PPP1R13B: variants seen among roughly 807,000 people sequenced by gnomAD.
PPP1R13B encodes the protein apoptosis-stimulating of p53 protein 1.
PPP1R13B carries 44 observed loss-of-function variants against 119.8 expected under a neutral mutation model. That is an observed-to-expected ratio of 0.37 (90% confidence interval 0.29 to 0.47). The LOEUF (loss-of-function observed/expected upper bound fraction) is 0.47, where lower values mean the gene tolerates loss of function less well. PPP1R13B is among the 20% of genes least tolerant of loss of function. The probability of loss-of-function intolerance (pLI) is 0.99; values close to 1 mark genes in which losing one functional copy is unlikely to be tolerated. For missense variants in PPP1R13B, 1,227 were observed against 1,413.5 expected (o/e 0.87, Z 2.12); for synonymous variants, 542 against 561.5 (o/e 0.97, Z 0.49).
chr14:103,738,503 A>T lies in PPP1R13B; in HGVS notation c.2864+176T>A. The T allele has an allele frequency of 3.1e-6, 3 of 961,360 alleles. No individual in the cohort carries two copies. Among genetic ancestry groups the T allele is most frequent in the Non-Finnish European group, 4.6e-6 (3 of 658,146 alleles). 59.6% of individuals were successfully genotyped at this position (961,360 alleles called of 1,614,324 possible). A position where few individuals can be genotyped will look rare whatever the true frequency, so the allele number is the denominator to read the frequency against. On this transcript the variant is annotated intron_variant, in intron 14 of 16. Coordinates refer to ENST00000202556, the MANE Select transcript of PPP1R13B (RefSeq NM_015316.3). The surrounding 1 kb of genome is among the most constrained non-coding windows in gnomAD (Gnocchi z 5.6). ...TTTTTAACAAAATCATCAAGAGAAA[A>T]GGCTGGAAAAAAAGGCAAGGAAACC...
intron 1 of PPP1R13B, among the ~76,000 whole-genome samples, chr14:103,838,322 C>T (rs143341736): frequency 6.6e-6 from 1 of 152,014 alleles, no homozygotes; most frequent in East Asian, 1.9e-4. Context: ...TATTTAGCAC[C>T]AACTATGTGT....
chr14:103,746,276 A>G, intron 9 of PPP1R13B, 97 bp downstream of exon 9: 1 of 773,374 alleles, frequency 1.3e-6, no homozygotes. Flanking sequence ...TGTGTGGGGC[A>G]GAGCCTCAGG....
chr14:103,826,710 C>CG lies in PPP1R13B; in HGVS notation c.9+20588_9+20589insC, dbSNP rs1555447217. The stretch of plus-strand genomic sequence containing the variant: ...CAACACAGCTAGACCCTGTCTCTAC[C>CG]AAAAAAAAAAAAAAAAAGCCAGGTG... On this transcript the variant is annotated intron_variant, in intron 1 of 16. Coordinates refer to ENST00000202556, the MANE Select transcript of PPP1R13B (RefSeq NM_015316.3). Among the ~76,000 whole-genome samples, 739 of 88,308 alleles carry CG rather than the reference C, an allele frequency of 8.4e-3. 1 individual carries two copies. The highest frequency in any genetic ancestry group is 0.013 in the Non-Finnish European group (545 of 41,902). The allele number at this position is 88,308 out of a possible 152,430, so 57.9% of individuals were successfully genotyped here. A position where few individuals can be genotyped will look rare whatever the true frequency, so the allele number is the denominator to read the frequency against.
Position 103,734,504 on chromosome 14 carries a change from G to A in PPP1R13B, c.*650C>T, listed in dbSNP as rs1441733241. The A allele has an allele frequency of 8.8e-6, 4 of 456,172 alleles. No individual in the cohort carries two copies. The highest frequency in any genetic ancestry group is 7.1e-5 in the Admixed American group (3 of 42,542). The allele number at this position is 456,172 out of a possible 1,614,324, so 28.3% of individuals were successfully genotyped here. On this transcript the variant is annotated 3_prime_UTR_variant, in exon 17 of 17. Coordinates refer to ENST00000202556, the MANE Select transcript of PPP1R13B (RefSeq NM_015316.3). ...GTCACTTGGTCTTAGGGGTCCTGGT[G>A]CCCGTGGCGCGGCAGTCCAGCCACA... is the stretch of plus-strand genomic sequence containing the variant.
chr14:103,779,582 C>A (rs1567117132), intron 3 of PPP1R13B, among the ~76,000 whole-genome samples: 1 of 150,328 alleles, frequency 6.7e-6, no homozygotes, highest in Non-Finnish European at 1.5e-5. Context: ...CAAGACCAGC[C>A]TGGGCAACGT....
chr14:103,758,394 G>T (rs530798615), intron 4 of PPP1R13B, among the ~76,000 whole-genome samples: 1 of 152,322 alleles, frequency 6.6e-6, no homozygotes, highest in South Asian at 2.1e-4. Context: ...AATGACCAAT[G>T]AGGTGGGTAC....
Position 103,785,581 on chromosome 14 carries a change from G to T in PPP1R13B, c.158-667C>A, listed in dbSNP as rs55826943. Among the ~76,000 whole-genome samples the T allele has an allele frequency of 7.1e-3, 1,022 of 144,570 alleles. 14 individuals are homozygous for T. Among genetic ancestry groups the T allele is most frequent in the African/African-American group, 0.025 (971 of 38,240 alleles). 94.8% of individuals were successfully genotyped at this position (144,570 alleles called of 152,430 possible). On this transcript the variant is annotated intron_variant, in intron 2 of 16. Transcript: ENST00000202556. ...ATCACTTAGGCTGGAGTGCCATCTC[G>T]GCTCACTACAACCTCTGCCTCCAGG...
intron 1 of PPP1R13B, among the ~76,000 whole-genome samples, chr14:103,798,993 T>TTTTGTTTGTTTG (rs71126071): frequency 1.1e-4 from 17 of 150,114 alleles, no homozygotes; most frequent in African/African-American, 3.9e-4. Flanking sequence ...CCTGGTGTTT[T>TTTTGTTTGTTTG]TTTGTTTGTT....
chr14:103,803,740 G>A (rs1160413525), intron 1 of PPP1R13B, among the ~76,000 whole-genome samples: 1 of 152,216 alleles, frequency 6.6e-6, no homozygotes, highest in East Asian at 1.9e-4. Context: ...ATTGTGTGCT[G>A]TAACAAATAT....
At chr14:103,842,928 G>C (rs944124360) in intron 1 of PPP1R13B, among the ~76,000 whole-genome samples, 5 of 152,040 alleles carry the variant, frequency 3.3e-5, no homozygotes, top group Admixed American at 6.6e-5. Context: ...AGTGAGCCAA[G>C]ATCGCGCCAC....
At chr14:103,795,810 T>C (rs947582584) in intron 2 of PPP1R13B, among the ~76,000 whole-genome samples, 2 of 152,226 alleles carry the variant, frequency 1.3e-5, no homozygotes, top group African/African-American at 4.8e-5. Context: ...AATTTAGTAA[T>C]AGTCCAATGT....
chr14:103,764,550 T>G (rs529428763), intron 4 of PPP1R13B: 1 of 247,236 alleles, frequency 4.0e-6, no homozygotes, highest in East Asian at 1.3e-4. Flanking sequence ...TTAATTATTG[T>G]AGTCAGTAGA....
In PPP1R13B at chr14:103,741,787, T is replaced by C. The variant is rs1467531963; in HGVS notation, c.1822+3A>G. 6.2e-7 allele frequency: 1 copy of C among 1,612,474 alleles called. No homozygotes were observed. Among genetic ancestry groups the C allele is most frequent in the Non-Finnish European group, 8.5e-7 (1 of 1,178,706 alleles). ...AGAAAAGGAGAGTATAAACCCACTC[T>C]ACCTGCTTTAACTGACTTATTTAAG... is the stretch of plus-strand genomic sequence containing the variant. On this transcript the variant is annotated splice_donor_region_variant and intron_variant, in intron 11 of 16. Transcript: ENST00000202556.
At position 103,739,987 on chromosome 14, in the gene PPP1R13B, G is replaced by A. The variant is rs756986329; in HGVS notation, c.2429C>T (p.Thr810Ile). The A allele has an allele frequency of 6.2e-7, 1 of 1,614,144 alleles. No homozygotes were observed. The highest frequency in any genetic ancestry group is 1.7e-5 in the Admixed American group (1 of 60,032). The change falls in exon 12 of 17, where the codon ACC (threonine) becomes ATC (isoleucine). Residue 810 changes from threonine (T) to isoleucine (I), a missense_variant. Physicochemically the swap from Thr to Ile is moderately conservative, Grantham distance 89 (BLOSUM62 -1). Coordinates refer to ENST00000202556, the MANE Select transcript of PPP1R13B (RefSeq NM_015316.3). Reference sequence around the variant, plus strand: ...CTCTGCCGGCTCGGCAGTTTGGTGGGTGGTTTGGGGACAGATGAGCTCCTC... The same window carrying A: ...CTCTGCCGGCTCGGCAGTTTGGTGGATGGTTTGGGGACAGATGAGCTCCTC... ...EPEELICPQT[T>I]HQTAEPAEDN...
chr14:103,798,993 T>G (rs1258473561), intron 1 of PPP1R13B, among the ~76,000 whole-genome samples: 1 of 149,994 alleles, frequency 6.7e-6, no homozygotes, highest in African/African-American at 2.5e-5. Context: ...CCTGGTGTTT[T>G]TTTGTTTGTT....
At chr14:103,777,964 T>C (rs1448958326) in intron 4 of PPP1R13B, among the ~76,000 whole-genome samples, 1 of 151,566 alleles carries the variant, frequency 6.6e-6, no homozygotes, top group Admixed American at 6.6e-5. Context: ...CTGACTTTTT[T>C]TTTTTTGAGA....
intron 16 of PPP1R13B, among the ~76,000 whole-genome samples, 199 bp from the exon 17 acceptor site, chr14:103,735,394 C>T (rs115031388): frequency 4.7e-4 from 71 of 152,338 alleles, no homozygotes; most frequent in African/African-American, 1.5e-3. Flanking sequence ...CCCAGAATAT[C>T]CTATTTTTCT....
Position 103,756,909 on chromosome 14 carries a change from C to T in PPP1R13B, c.456+741G>A, listed in dbSNP as rs535279585. Among the ~76,000 whole-genome samples, 50 of 143,918 alleles carry T rather than the reference C, an allele frequency of 3.5e-4. 1 individual carries two copies. Among genetic ancestry groups the T allele is most frequent in the Non-Finnish European group, 6.1e-4 (40 of 65,812 alleles). The allele number at this position is 143,918 out of a possible 152,430, so 94.4% of individuals were successfully genotyped here. A position where few individuals can be genotyped will look rare whatever the true frequency, so the allele number is the denominator to read the frequency against. On this transcript the variant is annotated intron_variant, in intron 5 of 16. Coordinates refer to ENST00000202556, the MANE Select transcript of PPP1R13B (RefSeq NM_015316.3). ...GAGTAGCTGGGACTACAGGCGCCCGCCACCAAGCCTGGGTAATTTTTTTTA... is the reference window on the plus strand; with the variant it reads ...GAGTAGCTGGGACTACAGGCGCCCGTCACCAAGCCTGGGTAATTTTTTTTA...
intron 1 of PPP1R13B, 88 bp downstream of exon 1, chr14:103,847,211 C>A (rs1327540371): frequency 5.2e-5 from 55 of 1,061,300 alleles, no homozygotes; most frequent in Non-Finnish European, 5.7e-5. Flanking sequence ...CGCACCGGCC[C>A]GCGGGGGCTG....
Sources: allele counts gnomAD v4.1 joint callset (sites outside exome capture counted in the v4.1 genomes callset), GRCh38; gene constraint gnomAD v4.1.1; non-coding constraint Gnocchi (gnomAD v3.1); transcripts MANE v1.5; gene names NCBI Gene and HGNC (gene_info 2026-07-23, HGNC 2026-07-21).